F13A1: variants seen among roughly 807,000 people sequenced by gnomAD.
F13A1 encodes FSF, A subunit.
Under a neutral mutation model 80.1 loss-of-function variants are expected in F13A1, and 47 were observed. That is an observed-to-expected ratio of 0.59 (90% confidence interval 0.46 to 0.75). F13A1 has a LOEUF of 0.75. Ranked by LOEUF, F13A1 falls within the 30% of genes least tolerant of loss-of-function variation. The pLI is 0.00. For missense variants in F13A1, 817 were observed against 930.4 expected (o/e 0.88, Z 1.59); for synonymous variants, 349 against 344.9 (o/e 1.01, Z -0.13).
intron 4 of F13A1, among the ~76,000 whole-genome samples, chr6:6,251,595 C>A (rs1236227801): frequency 6.6e-6 from 1 of 152,158 alleles, no homozygotes; most frequent in African/African-American, 2.4e-5. Flanking sequence ...TATTCCCAGG[C>A]CTGGTGGGAG....
intron 3 of F13A1, among the ~76,000 whole-genome samples, chr6:6,267,363 T>C (rs1291125458): frequency 1.3e-5 from 2 of 152,164 alleles, no homozygotes; most frequent in Non-Finnish European, 2.9e-5. Context: ...TGCCATGGCA[T>C]CTAAGTAATG....
intron 2 of F13A1, among the ~76,000 whole-genome samples, chr6:6,311,767 TATATATTA>T (rs1304814593): frequency 3.5e-5 from 5 of 144,400 alleles, no homozygotes; most frequent in African/African-American, 1.2e-4. Flanking sequence ...AATATATATT[TATATATTA>T]TATATTATTT....
chr6:6,302,689 G>C (rs1758451099), intron 3 of F13A1, among the ~76,000 whole-genome samples: 1 of 135,012 alleles, frequency 7.4e-6, no homozygotes, highest in South Asian at 2.3e-4. Context: ...TATAAACTTA[G>C]GCTACAGTAC....
rs1761140217 is a variant in F13A1, at chr6:6,189,473, T to C, written c.1305+6324A>G. Among the ~76,000 whole-genome samples, 2 of 136,666 alleles carry C rather than the reference T, an allele frequency of 1.5e-5. 1 individual carries two copies. Among genetic ancestry groups the C allele is most frequent in the South Asian group, 5.9e-4 (2 of 3,390 alleles). The allele number at this position is 136,666 out of a possible 152,430, so 89.7% of individuals were successfully genotyped here. ...GTCTGTAAAGTATTTTATTTCTCCT[T>C]CACTTATGAAGCTTAGTTTGGCTGA... On this transcript the variant is annotated intron_variant, in intron 10 of 14. Transcript: ENST00000264870.
At chr6:6,223,555 A>G (rs570795001) in intron 7 of F13A1, among the ~76,000 whole-genome samples, 1 of 152,304 alleles carries the variant, frequency 6.6e-6, no homozygotes, top group African/African-American at 2.4e-5. Context: ...CTAGGGGACT[A>G]TACTTTTGAT....
intron 10 of F13A1, among the ~76,000 whole-genome samples, chr6:6,193,340 A>T (rs548276768): frequency 1.3e-5 from 2 of 152,192 alleles, no homozygotes; most frequent in Non-Finnish European, 2.9e-5. Flanking sequence ...AATGACCAAG[A>T]AAGTCAGCAT....
intron 7 of F13A1, 27 bp from the exon 8 acceptor site, chr6:6,222,198 A>C (rs1286199559): frequency 6.2e-7 from 1 of 1,613,748 alleles, no homozygotes. Flanking sequence ...ACCACAGCTA[A>C]ACACATCACC....
intron 8 of F13A1, among the ~76,000 whole-genome samples, chr6:6,217,120 C>T (rs1370784040): frequency 6.8e-6 from 1 of 146,850 alleles, no homozygotes; most frequent in Middle Eastern, 3.5e-3. Flanking sequence ...GTCAGTGTGG[C>T]GATTCCTCAG....
chr6:6,171,248 T>A (rs542884677), intron 12 of F13A1, among the ~76,000 whole-genome samples: 1 of 152,230 alleles, frequency 6.6e-6, no homozygotes, highest in African/African-American at 2.4e-5. Context: ...ACTGGCTCAC[T>A]GTCACTGCTA....
At chr6:6,304,536 C>T (rs1223162440) in intron 3 of F13A1, among the ~76,000 whole-genome samples, 1 of 152,102 alleles carries the variant, frequency 6.6e-6, no homozygotes, top group Non-Finnish European at 1.5e-5. Context: ...TTCCCCAGAC[C>T]TTTGAAGCTA....
chr6:6,247,810 G>A (rs1757574837), intron 6 of F13A1, among the ~76,000 whole-genome samples: 1 of 152,170 alleles, frequency 6.6e-6, no homozygotes, highest in African/African-American at 2.4e-5. Context: ...ATCCTGCAAA[G>A]AATCAATACC....
At chr6:6,254,233 G>A (rs1757674867) in intron 4 of F13A1, among the ~76,000 whole-genome samples, 1 of 151,660 alleles carries the variant, frequency 6.6e-6, no homozygotes, top group African/African-American at 2.4e-5. Flanking sequence ...CAGCCTTTTA[G>A]AAGGGTAATT....
chr6:6,224,984 C>T (rs1757255269), intron 6 of F13A1, 124 bp from the exon 7 acceptor site: 1 of 1,012,258 alleles, frequency 9.9e-7, no homozygotes, highest in Non-Finnish European at 1.5e-6. Flanking sequence ...GAAAAGAGTT[C>T]CACTTCTGTT....
At chr6:6,181,199 C>T (rs946718874) in intron 11 of F13A1, among the ~76,000 whole-genome samples, 7 of 152,142 alleles carry the variant, frequency 4.6e-5, no homozygotes, top group African/African-American at 1.2e-4. Context: ...CCGAGGTCCA[C>T]GACTTCTCTT....
chr6:6,315,380 A>G (rs74332229), intron 2 of F13A1, among the ~76,000 whole-genome samples: 331 of 152,354 alleles, frequency 2.2e-3, no homozygotes, highest in Middle Eastern at 3.4e-3. Flanking sequence ...AAAGATGTCA[A>G]ACGCTACCAC....
chr6:6,229,992 C>T (rs193118373), intron 6 of F13A1, among the ~76,000 whole-genome samples: 32 of 152,244 alleles, frequency 2.1e-4, no homozygotes, highest in Admixed American at 5.2e-4. Flanking sequence ...CCACAGAGAT[C>T]CATCAGAAAG....
At chr6:6,289,431 TAC>T (rs58774884) in intron 3 of F13A1, among the ~76,000 whole-genome samples, 106 of 148,938 alleles carry the variant, frequency 7.1e-4, no homozygotes, top group Admixed American at 6.7e-4. Context: ...ACTATGCAAA[TAC>T]ACACACACAC....
intron 4 of F13A1, among the ~76,000 whole-genome samples, chr6:6,253,827 G>A (rs1222936438): frequency 3.3e-5 from 5 of 152,102 alleles, no homozygotes; most frequent in Admixed American, 1.3e-4. Context: ...AAATCAATAG[G>A]TAAAAATAGA....
At chr6:6,224,634 T>C (rs561382988) in intron 7 of F13A1, 52 bp downstream of exon 7, 5 of 1,543,746 alleles carry the variant, frequency 3.2e-6, no homozygotes, top group African/African-American at 2.7e-5. Flanking sequence ...AAAAATGTCT[T>C]AGAGTGAAGT....
Sources: allele counts gnomAD v4.1 joint callset (sites outside exome capture counted in the v4.1 genomes callset), GRCh38; gene constraint gnomAD v4.1.1; transcripts MANE v1.5; gene names NCBI Gene and HGNC (gene_info 2026-07-23, HGNC 2026-07-21).